WFDC9: variants seen among roughly 807,000 people sequenced by gnomAD.
The protein encoded by WFDC9 is WAP four-disulfide core domain 9, also known as protein WFDC9.
WFDC9 carries 9 observed loss-of-function variants against 9.5 expected under a neutral mutation model. The observed-to-expected ratio is 0.95, with a 90% CI of 0.57 to 1.65. WFDC9 has a LOEUF of 1.65. Ranked by LOEUF, WFDC9 falls within the 40% of genes most tolerant of loss-of-function variation. WFDC9 has a pLI of 0.00. For missense variants in WFDC9, 87 were observed against 106.7 expected, an observed-to-expected ratio of 0.82 and a Z score of 0.81; for synonymous variants, 33 against 32.3, an observed-to-expected ratio of 1.02 and a Z score of -0.07.
intron 1 of WFDC9, among the ~76,000 whole-genome samples, chr20:45,627,065 A>G (rs1416359087): frequency 6.6e-6 from 1 of 152,180 alleles, no homozygotes; most frequent in Non-Finnish European, 1.5e-5. Flanking sequence ...TTCTGTATCT[A>G]CTGAGATTAC....
intron 1 of WFDC9, among the ~76,000 whole-genome samples, chr20:45,619,154 T>C (rs1052466743): frequency 2.0e-5 from 3 of 152,180 alleles, no homozygotes; most frequent in Non-Finnish European, 4.4e-5. Context: ...GATTGAATTA[T>C]GGATTTCTAA....
chr20:45,613,309 A>C (rs1042084355), intron 2 of WFDC9, among the ~76,000 whole-genome samples: 2 of 152,220 alleles, frequency 1.3e-5, no homozygotes, highest in Non-Finnish European at 2.9e-5. Context: ...AGAAAGTTCT[A>C]CTGAACAATG....
At chr20:45,612,278 G>A (rs1341137808) in intron 2 of WFDC9, among the ~76,000 whole-genome samples, 1 of 151,152 alleles carries the variant, frequency 6.6e-6, no homozygotes, top group Non-Finnish European at 1.5e-5. Flanking sequence ...CTATGCCTCT[G>A]TGTGTGGAGG....
intron 1 of WFDC9, chr20:45,630,957 G>T (rs762840006): frequency 6.8e-6 from 11 of 1,612,380 alleles, no homozygotes; most frequent in Non-Finnish European, 8.5e-6. Flanking sequence ...CACCGAGATT[G>T]TCAAGCAAAT....
chr20:45,629,057 T>C (rs1194437186), intron 1 of WFDC9, among the ~76,000 whole-genome samples: 1 of 152,196 alleles, frequency 6.6e-6, no homozygotes, highest in Non-Finnish European at 1.5e-5. Flanking sequence ...GTTTCTCCAC[T>C]AGCCCTTCTG....
At chr20:45,626,623 T>C (rs569826299) in intron 1 of WFDC9, among the ~76,000 whole-genome samples, 13 of 152,332 alleles carry the variant, frequency 8.5e-5, no homozygotes, top group Non-Finnish European at 1.6e-4. Context: ...CTGACTTGTA[T>C]GTTTATTTTG....
chr20:45,629,081 A>C (rs980745887), intron 1 of WFDC9, among the ~76,000 whole-genome samples: 2 of 152,154 alleles, frequency 1.3e-5, no homozygotes, highest in Non-Finnish European at 2.9e-5. Flanking sequence ...CATGCCCTAC[A>C]ATAGTCTCTC....
At chr20:45,616,789 C>A (rs773491899) in intron 1 of WFDC9, among the ~76,000 whole-genome samples, 22 of 152,148 alleles carry the variant, frequency 1.4e-4, no homozygotes, top group Non-Finnish European at 2.9e-4. Context: ...TAGGCCTCAA[C>A]AGTGGGCTTA....
chr20:45,608,632 G>A, intron 4 of WFDC9, 31 bp downstream of exon 4: 2 of 1,599,678 alleles, frequency 1.3e-6, no homozygotes, highest in Non-Finnish European at 1.7e-6. Flanking sequence ...AGCATGCCCA[G>A]GCCCTAGCCT....
At chr20:45,621,979 T>G (rs571198244) in intron 1 of WFDC9, among the ~76,000 whole-genome samples, 1 of 152,308 alleles carries the variant, frequency 6.6e-6, no homozygotes, top group East Asian at 1.9e-4. Flanking sequence ...CCCAGCATAT[T>G]CACTTATATT....
At chr20:45,611,332 C>A (rs1217502644) in intron 2 of WFDC9, among the ~76,000 whole-genome samples, 1 of 152,100 alleles carries the variant, frequency 6.6e-6, no homozygotes, top group Non-Finnish European at 1.5e-5. Context: ...TGTTCCATAA[C>A]TGGAGCTTCT....
At chr20:45,626,882 C>T (rs1039856257) in intron 1 of WFDC9, among the ~76,000 whole-genome samples, 2 of 152,162 alleles carry the variant, frequency 1.3e-5, no homozygotes, top group Non-Finnish European at 1.5e-5. Context: ...AGCCTTTCCT[C>T]TATATCTTGT....
At chr20:45,609,608 G>T (rs2037069870) in intron 3 of WFDC9, among the ~76,000 whole-genome samples, 2 of 151,958 alleles carry the variant, frequency 1.3e-5, no homozygotes, top group Non-Finnish European at 2.9e-5. Context: ...TGTCTTTGTT[G>T]TCCACATTTT....
chr20:45,609,929 A>T (rs1190180635), intron 3 of WFDC9, among the ~76,000 whole-genome samples, 162 bp downstream of exon 3: 1 of 152,164 alleles, frequency 6.6e-6, no homozygotes, highest in African/African-American at 2.4e-5. Flanking sequence ...GCTGAAAGAG[A>T]AAACTTAAAG....
chr20:45,622,451 C>A (rs542619389), intron 1 of WFDC9, among the ~76,000 whole-genome samples: 2 of 152,126 alleles, frequency 1.3e-5, no homozygotes, highest in Admixed American at 1.3e-4. Flanking sequence ...TTTTAACCTG[C>A]TAAATCTTTT....
chr20:45,624,124 G>A (rs988963404), intron 1 of WFDC9, among the ~76,000 whole-genome samples: 1 of 152,102 alleles, frequency 6.6e-6, no homozygotes. Context: ...CCTGGGAGGC[G>A]GAAGTTGCAG....
chr20:45,631,073 T>C, intron 1 of WFDC9, 130 bp downstream of exon 1: 2 of 1,489,128 alleles, frequency 1.3e-6, no homozygotes, highest in African/African-American at 1.4e-5. Flanking sequence ...TATCCAAGAC[T>C]GTGCCCACAT....
At chr20:45,617,344 A>C (rs1981994890) in intron 1 of WFDC9, among the ~76,000 whole-genome samples, 2 of 152,164 alleles carry the variant, frequency 1.3e-5, no homozygotes, top group Admixed American at 1.3e-4. Context: ...AGGCCCAGCT[A>C]CTCAGAAGGC....
chr20:45,610,209 G>A lies in WFDC9; in HGVS notation c.-28C>T. The A allele has an allele frequency of 6.2e-7, 1 of 1,604,696 alleles. No individual in the cohort carries two copies. Among genetic ancestry groups the A allele is most frequent in the Non-Finnish European group, 8.5e-7 (1 of 1,172,224 alleles). ...TGCTCTCTGTGTGTATTTGGGTTAA[G>A]TTCTGGCAGAAGGCAAGTCTTTTCC... On this transcript the variant is annotated 5_prime_UTR_variant, in exon 3 of 5. Transcript: ENST00000326000.
Sources: allele counts gnomAD v4.1 joint callset (sites outside exome capture counted in the v4.1 genomes callset), GRCh38; gene constraint gnomAD v4.1.1; transcripts MANE v1.5; gene names NCBI Gene and HGNC (gene_info 2026-07-23, HGNC 2026-07-21).